The following PRKN variants were observed in gnomAD, a reference collection of about 807,000 sequenced individuals.
PRKN encodes the protein E3 ubiquitin-protein ligase parkin.
A neutral mutation model predicts 59.5 loss-of-function variants in PRKN; 56 were observed. The ratio of observed to expected loss-of-function variants is 0.94; its 90% CI spans 0.76 to 1.18. The LOEUF (loss-of-function observed/expected upper bound fraction) is 1.18, where lower values mean the gene tolerates loss of function less well. PRKN is among the 50% of genes most tolerant of loss of function. PRKN has a pLI of 0.00. For missense variants in PRKN, 657 were observed against 596.4 expected (o/e 1.10, Z -1.06); for synonymous variants, 250 against 222.1 (o/e 1.13, Z -1.12).
At chr6:161,985,048 C>G in intron 5 of PRKN, among the ~76,000 whole-genome samples, 1 of 152,108 alleles carries the variant, frequency 6.6e-6, no homozygotes, top group East Asian at 1.9e-4. Flanking sequence ...TACCAGCTTC[C>G]CCTGCATTTC....
chr6:162,138,072 G>C (rs934282652), intron 4 of PRKN, among the ~76,000 whole-genome samples: 1 of 151,948 alleles, frequency 6.6e-6, no homozygotes. Context: ...AGTTTAGGGA[G>C]GTTAAGGAAA....
At chr6:161,901,008 C>T (rs574402504) in intron 6 of PRKN, among the ~76,000 whole-genome samples, 1 of 151,060 alleles carries the variant, frequency 6.6e-6, no homozygotes, top group East Asian at 1.9e-4. Flanking sequence ...CTCTAACTCC[C>T]AGGTTCAAGC....
intron 2 of PRKN, among the ~76,000 whole-genome samples, chr6:162,375,326 A>G (rs1316702611): frequency 3.3e-5 from 5 of 152,080 alleles, no homozygotes; most frequent in Admixed American, 3.3e-4. Flanking sequence ...TATTTTTTCA[A>G]GCAAAAAATA....
intron 7 of PRKN, among the ~76,000 whole-genome samples, chr6:161,615,233 T>G (rs1413878232): frequency 6.6e-6 from 1 of 152,154 alleles, no homozygotes; most frequent in African/African-American, 2.4e-5. Flanking sequence ...ATTTTGGGGC[T>G]TCTAGGCTGC....
intron 10 of PRKN, among the ~76,000 whole-genome samples, chr6:161,370,728 C>G (rs761291803): frequency 6.6e-6 from 1 of 152,066 alleles, no homozygotes; most frequent in Non-Finnish European, 1.5e-5. Flanking sequence ...ACCTGTGTAG[C>G]CAATAATTAG....
chr6:162,164,215 C>T (rs1782882097), intron 4 of PRKN, among the ~76,000 whole-genome samples: 1 of 148,840 alleles, frequency 6.7e-6, no homozygotes, highest in Admixed American at 6.7e-5. Flanking sequence ...GAGTGGTCAA[C>T]CTGTGTATTT....
chr6:162,323,292 A>G (rs915584960), intron 2 of PRKN, among the ~76,000 whole-genome samples: 2 of 128,640 alleles, frequency 1.6e-5, no homozygotes, highest in African/African-American at 5.5e-5. Flanking sequence ...GAAAATTTGA[A>G]AAACCACTTA....
In PRKN at chr6:161,381,986, C is replaced by A. The variant is rs955506740; in HGVS notation, c.1167+4808G>T. On this transcript the variant is annotated intron_variant, in intron 10 of 11. Coordinates refer to ENST00000366898, the MANE Select transcript of PRKN (RefSeq NM_004562.3). The stretch of plus-strand genomic sequence containing the variant: ...AATTAGCCGGGTGCAGTAGCAGGTG[C>A]CTGTAGTTTCAGCTACTTGGAAGGC... Among the ~76,000 whole-genome samples, 14 of 151,848 alleles carry A rather than the reference C, an allele frequency of 9.2e-5. 1 individual carries two copies. Among genetic ancestry groups the A allele is most frequent in the Non-Finnish European group, 2.9e-5 (2 of 67,972 alleles).
At chr6:162,076,366 AT>A (rs2128292443) in intron 4 of PRKN, among the ~76,000 whole-genome samples, 1 of 129,710 alleles carries the variant, frequency 7.7e-6, no homozygotes, top group African/African-American at 2.6e-5. Context: ...AGACATACAT[AT>A]TTTTTAATTT....
At chr6:161,783,877 T>C (rs1275695130) in intron 7 of PRKN, among the ~76,000 whole-genome samples, 1 of 152,212 alleles carries the variant, frequency 6.6e-6, no homozygotes, top group East Asian at 1.9e-4. Flanking sequence ...GTAGATATGC[T>C]TAAAAGTGAG....
chr6:162,485,050 C>A (rs948161319), intron 1 of PRKN, among the ~76,000 whole-genome samples: 1 of 152,092 alleles, frequency 6.6e-6, no homozygotes, highest in African/African-American at 2.4e-5. Flanking sequence ...AATGTAAATT[C>A]TATAACATAA....
chr6:161,569,994 A>T (rs1459649778), intron 7 of PRKN, among the ~76,000 whole-genome samples: 1 of 151,780 alleles, frequency 6.6e-6, no homozygotes, highest in Non-Finnish European at 1.5e-5. Context: ...AGGGCATCTT[A>T]CGGAAGGACC....
At chr6:161,669,035 G>A (rs906817020) in intron 7 of PRKN, among the ~76,000 whole-genome samples, 4 of 152,172 alleles carry the variant, frequency 2.6e-5, no homozygotes, top group African/African-American at 7.2e-5. Flanking sequence ...ATTAGGCCAC[G>A]AGGGTGGAGT....
At chr6:162,005,455 G>A (rs1782212188) in intron 5 of PRKN, among the ~76,000 whole-genome samples, 1 of 152,036 alleles carries the variant, frequency 6.6e-6, no homozygotes, top group South Asian at 2.1e-4. Flanking sequence ...GAGAAATGCT[G>A]TAGTGGAAAA....
In PRKN at chr6:161,593,721, T is replaced by C. The variant is rs1781810167; in HGVS notation, c.872-24305A>G. Among the ~76,000 whole-genome samples the C allele has an allele frequency of 1.3e-5, 2 of 151,674 alleles. No homozygotes were observed. Among genetic ancestry groups the C allele is most frequent in the Admixed American group, 6.6e-5 (1 of 15,236 alleles). On this transcript the variant is annotated intron_variant, in intron 7 of 11. Coordinates refer to ENST00000366898, the MANE Select transcript of PRKN (RefSeq NM_004562.3). This position sits in a 1 kb window ranked among gnomAD's most constrained non-coding sequence, Gnocchi z 4.8. Reference sequence around the variant, plus strand: ...GAAGAGCGAGAGAGGGCTCGAGGAGTTCTGCTTCGGATGCCACATTGGCAA... The same window carrying C: ...GAAGAGCGAGAGAGGGCTCGAGGAGCTCTGCTTCGGATGCCACATTGGCAA...
In PRKN at chr6:161,898,430, C is replaced by T. The variant is rs117639745; in HGVS notation, c.734+74872G>A. 8.3e-3 allele frequency among the ~76,000 whole-genome samples: 1,270 copies of T among 152,220 alleles called. 51 individuals are homozygous for T. Among genetic ancestry groups the T allele is most frequent in the Admixed American group, 0.063 (955 of 15,278 alleles). ...ACTGTTCACAATATCCTTTCATCTA[C>T]ATAATTTTTATGTACACTTCACAAC... On this transcript the variant is annotated intron_variant, in intron 6 of 11. Coordinates refer to ENST00000366898, the MANE Select transcript of PRKN (RefSeq NM_004562.3).
chr6:161,541,446 A>C (rs571472084), intron 9 of PRKN, among the ~76,000 whole-genome samples: 13 of 152,342 alleles, frequency 8.5e-5, no homozygotes, highest in Admixed American at 7.2e-4. Context: ...TATAAAGCTA[A>C]AGAAGTTTCT....
chr6:161,444,034 GCTTAGGC>G lies in PRKN; in HGVS notation c.1084-57164_1084-57158del, dbSNP rs59140919. On this transcript the variant is annotated intron_variant, in intron 9 of 11. Transcript: ENST00000366898. The surrounding 1 kb of genome is among the most constrained non-coding windows in gnomAD (Gnocchi z 5.6). ...GCACGAACTAACTAGGAGGCGCCAG[GCTTAGGC>G]CTTAGGCAGACAAAGAGCAAAAGTG... Among the ~76,000 whole-genome samples, 729 of 152,368 alleles carry G rather than the reference GCTTAGGC, an allele frequency of 4.8e-3. 9 individuals carry two copies. Among genetic ancestry groups the G allele is most frequent in the African/African-American group, 0.017 (698 of 41,582 alleles).
At chr6:162,034,631 A>G (rs1249315628) in intron 5 of PRKN, among the ~76,000 whole-genome samples, 2 of 152,204 alleles carry the variant, frequency 1.3e-5, no homozygotes. Context: ...TTGTTAACAC[A>G]CTTTTCCAAG....
Sources: gnomAD v4.1 joint callset for allele counts (sites outside exome capture counted in the v4.1 genomes callset) on GRCh38, gnomAD v4.1.1 for gene constraint, Gnocchi (gnomAD v3.1) non-coding constraint, MANE v1.5 for transcripts, NCBI Gene and HGNC (gene_info 2026-07-23, HGNC 2026-07-21) for gene names.